Variants in L3MBTL4 observed in about 807,000 individuals in gnomAD.
L3MBTL4 encodes lethal(3)malignant brain tumor-like protein 4.
A neutral mutation model predicts 84.5 loss-of-function variants in L3MBTL4; 70 were observed. The observed-to-expected ratio is 0.83, with a 90% confidence interval of 0.68 to 1.01. L3MBTL4 has a LOEUF of 1.01. Among genes scored for constraint, L3MBTL4 ranks in the 50% least tolerant of loss-of-function variants. The pLI is 0.00. For missense variants in L3MBTL4, 715 were observed against 754.8 expected, an observed-to-expected ratio of 0.95 and a Z score of 0.62; for synonymous variants, 274 against 259.8, an observed-to-expected ratio of 1.05 and a Z score of -0.52.
chr18:6,250,847 C>T (rs1349477466), intron 5 of L3MBTL4, among the ~76,000 whole-genome samples: 1 of 152,234 alleles, frequency 6.6e-6, no homozygotes, highest in East Asian at 1.9e-4. Flanking sequence ...ATGAATTCAG[C>T]AGCCTGCTCA....
intron 4 of L3MBTL4, among the ~76,000 whole-genome samples, chr18:6,275,729 G>T (rs1256911182): frequency 6.6e-6 from 1 of 152,184 alleles, no homozygotes; most frequent in African/African-American, 2.4e-5. Flanking sequence ...TCAATCATGA[G>T]ATTGCATCAA....
chr18:6,219,357 T>C (rs1049825437), intron 10 of L3MBTL4, among the ~76,000 whole-genome samples: 7 of 151,762 alleles, frequency 4.6e-5, no homozygotes, highest in African/African-American at 7.3e-5. Flanking sequence ...GGCGGGACTG[T>C]AAACTGCTGG....
At chr18:6,116,264 A>G (rs1292469181) in intron 14 of L3MBTL4, among the ~76,000 whole-genome samples, 1 of 151,990 alleles carries the variant, frequency 6.6e-6, no homozygotes, top group African/African-American at 2.4e-5. Flanking sequence ...GTCATGTGAC[A>G]GGGCTCCAAG....
intron 16 of L3MBTL4, among the ~76,000 whole-genome samples, chr18:6,047,157 A>T (rs1188030758): frequency 2.0e-5 from 3 of 152,176 alleles, no homozygotes; most frequent in African/African-American, 7.2e-5. Context: ...GAGGAAACTG[A>T]TGTATTCCTG....
intron 1 of L3MBTL4, among the ~76,000 whole-genome samples, chr18:6,353,537 G>A (rs2053298053): frequency 6.6e-6 from 1 of 151,860 alleles, no homozygotes; most frequent in Non-Finnish European, 1.5e-5. Context: ...CTTATATTTG[G>A]AAAAACCTAA....
chr18:6,151,607 C>G (rs2042899423), intron 13 of L3MBTL4, among the ~76,000 whole-genome samples: 1 of 152,084 alleles, frequency 6.6e-6, no homozygotes, highest in African/African-American at 2.4e-5. Context: ...GTTGTCCAGG[C>G]AGGTCTCCAA....
At chr18:5,968,523 C>A (rs751259358) in intron 17 of L3MBTL4, among the ~76,000 whole-genome samples, 17 of 151,810 alleles carry the variant, frequency 1.1e-4, no homozygotes, top group Non-Finnish European at 2.2e-4. Context: ...CATAATGAGA[C>A]CCCGTATCCA....
chr18:6,153,831 T>C (rs1412150711), intron 13 of L3MBTL4, among the ~76,000 whole-genome samples: 3 of 152,214 alleles, frequency 2.0e-5, no homozygotes, highest in South Asian at 2.1e-4. Flanking sequence ...AGATGCCTGC[T>C]TCCCCTTCTG....
intron 14 of L3MBTL4, among the ~76,000 whole-genome samples, chr18:6,110,848 G>C (rs1227280765): frequency 6.6e-6 from 1 of 152,094 alleles, no homozygotes; most frequent in Non-Finnish European, 1.5e-5. Flanking sequence ...GGAGGAAAGT[G>C]CTGGATAGAC....
chr18:6,230,823 T>C (rs1485603497), intron 10 of L3MBTL4, among the ~76,000 whole-genome samples: 2 of 152,190 alleles, frequency 1.3e-5, no homozygotes, highest in Non-Finnish European at 2.9e-5. Context: ...TGGTTTTTGA[T>C]TTGCATTTCT....
chr18:6,327,045 G>A (rs1353191318), intron 1 of L3MBTL4, among the ~76,000 whole-genome samples: 1 of 152,176 alleles, frequency 6.6e-6, no homozygotes, highest in African/African-American at 2.4e-5. Context: ...ACTATTACTA[G>A]AAAGCAGGGA....
chr18:6,280,798 A>C (rs1156573131), intron 4 of L3MBTL4, among the ~76,000 whole-genome samples: 1 of 152,184 alleles, frequency 6.6e-6, no homozygotes, highest in Admixed American at 6.5e-5. Flanking sequence ...CAACAGGAGC[A>C]CAAGAGAGAT....
chr18:6,101,798 A>G (rs1311931624), intron 14 of L3MBTL4, among the ~76,000 whole-genome samples: 1 of 152,230 alleles, frequency 6.6e-6, no homozygotes, highest in Non-Finnish European at 1.5e-5. Flanking sequence ...GATTACAGGT[A>G]TTCAATTTTC....
chr18:6,057,301 C>G (rs952215208), intron 16 of L3MBTL4, among the ~76,000 whole-genome samples: 10 of 152,160 alleles, frequency 6.6e-5, no homozygotes, highest in African/African-American at 2.2e-4. Flanking sequence ...TCCCAAAGTG[C>G]TAGGATTACA....
At chr18:6,071,513 G>C (rs1353585816) in intron 16 of L3MBTL4, among the ~76,000 whole-genome samples, 1 of 151,538 alleles carries the variant, frequency 6.6e-6, no homozygotes, top group Non-Finnish European at 1.5e-5. Context: ...ACTCACACCT[G>C]TAATCCCAGC....
intron 16 of L3MBTL4, among the ~76,000 whole-genome samples, chr18:6,043,861 C>G (rs2056506517): frequency 6.6e-6 from 1 of 152,118 alleles, no homozygotes; most frequent in Non-Finnish European, 1.5e-5. Context: ...AGGAAAATGA[C>G]TTTTTAAATC....
At chr18:6,148,976 T>C (rs1420380410) in intron 13 of L3MBTL4, among the ~76,000 whole-genome samples, 1 of 152,184 alleles carries the variant, frequency 6.6e-6, no homozygotes, top group Non-Finnish European at 1.5e-5. Context: ...AATATATTTA[T>C]CTTTTAAACT....
At chr18:6,121,724 G>GTA (rs1555660812) in intron 14 of L3MBTL4, among the ~76,000 whole-genome samples, 15 of 146,882 alleles carry the variant, frequency 1.0e-4, no homozygotes, top group African/African-American at 3.3e-4. Flanking sequence ...GTGTGTATGT[G>GTA]TGTGTGCATG....
At chr18:6,238,320 T>C (rs2146082931) in intron 9 of L3MBTL4, among the ~76,000 whole-genome samples, 1 of 152,156 alleles carries the variant, frequency 6.6e-6, no homozygotes, top group Middle Eastern at 3.4e-3. Flanking sequence ...GATCATGAGG[T>C]CAGGAGATCG....
Sources: allele counts gnomAD v4.1 joint callset (sites outside exome capture counted in the v4.1 genomes callset), GRCh38; gene constraint gnomAD v4.1.1; transcripts MANE v1.5; gene names NCBI Gene and HGNC (gene_info 2026-07-23, HGNC 2026-07-21).